Variants in XKR4 observed in about 807,000 individuals in gnomAD.
XKR4 encodes the protein XK related 4, also known as XK-related protein 4.
In XKR4, 12 loss-of-function variants were observed where a neutral mutation model predicts 53.9. The ratio of observed to expected loss-of-function variants is 0.22; its 90% CI spans 0.14 to 0.36. The LOEUF (loss-of-function observed/expected upper bound fraction) is 0.36, where lower values mean the gene tolerates loss of function less well. Among genes scored for constraint, XKR4 ranks in the 10% least tolerant of loss-of-function variants. The probability of loss-of-function intolerance (pLI) is 1.00; values close to 1 mark genes in which losing one functional copy is unlikely to be tolerated. For synonymous variants in XKR4, 354 were observed against 362.4 expected (o/e 0.98, Z 0.26); for missense variants, 799 against 859.5 (o/e 0.93, Z 0.88).
At chr8:55,258,491 C>T (rs534488348) in intron 1 of XKR4, among the ~76,000 whole-genome samples, 84 of 152,266 alleles carry the variant, frequency 5.5e-4, no homozygotes, top group African/African-American at 1.9e-3. Context: ...CCTATAATCC[C>T]TGGAGACCCT....
rs143710314 is a variant in XKR4, at chr8:55,165,058, A to G, written c.806+61764A>G. ...GAAAGGAAGTAGAATGGGCAGCCCT[A>G]GGAAGTAGGATGGGCAGGTCCCATA... On this transcript the variant is annotated intron_variant, in intron 1 of 2. Transcript: ENST00000327381. Among the ~76,000 whole-genome samples the G allele has an allele frequency of 3.5e-3, 535 of 152,310 alleles. 3 individuals are homozygous for G. The highest frequency in any genetic ancestry group is 0.012 in the African/African-American group (497 of 41,562).
chr8:55,250,198 G>C lies in XKR4; in HGVS notation c.807-107480G>C, dbSNP rs562612469. Among the ~76,000 whole-genome samples the C allele has an allele frequency of 3.3e-5, 5 of 152,254 alleles. No homozygotes were observed. In the East Asian group the frequency reaches 9.7e-4, roughly 29 times the overall value. ...GGCTTCCTAAGAAGTGAACTTCCGA[G>C]ACAGCTAAAGGATAGCTTTAAGTGA... On this transcript the variant is annotated intron_variant, in intron 1 of 2. Transcript: ENST00000327381.
At chr8:55,381,391 G>A (rs927831801) in intron 2 of XKR4, among the ~76,000 whole-genome samples, 6 of 152,180 alleles carry the variant, frequency 3.9e-5, no homozygotes, top group African/African-American at 1.4e-4. Context: ...CAATTATGGA[G>A]GCTAAAAGGT....
chr8:55,420,709 G>A (rs984574305), intron 2 of XKR4, among the ~76,000 whole-genome samples: 6 of 151,632 alleles, frequency 4.0e-5, no homozygotes, highest in East Asian at 1.9e-4. Context: ...TGGGTGCAGC[G>A]CACCAGCATG....
intron 2 of XKR4, among the ~76,000 whole-genome samples, chr8:55,378,597 T>C (rs1367423762): frequency 2.0e-5 from 3 of 152,188 alleles, no homozygotes; most frequent in Non-Finnish European, 4.4e-5. Flanking sequence ...ACATTGGTAA[T>C]ATTTAATTTC....
At chr8:55,487,944 C>G (rs566982431) in intron 2 of XKR4, among the ~76,000 whole-genome samples, 1 of 152,218 alleles carries the variant, frequency 6.6e-6, no homozygotes, top group Non-Finnish European at 1.5e-5. Context: ...CAAAAATGCA[C>G]TAATCCCTTC....
intron 1 of XKR4, among the ~76,000 whole-genome samples, chr8:55,352,707 T>C (rs1803740685): frequency 2.0e-5 from 3 of 152,250 alleles, no homozygotes; most frequent in Admixed American, 2.0e-4. Context: ...ATTGGTACTG[T>C]GATTTTCCCC....
chr8:55,368,839 A>T (rs1233330970), intron 2 of XKR4, among the ~76,000 whole-genome samples: 4 of 152,228 alleles, frequency 2.6e-5, no homozygotes, highest in Admixed American at 1.3e-4. Context: ...GGACTAGCCA[A>T]TACAGACTGC....
intron 2 of XKR4, among the ~76,000 whole-genome samples, chr8:55,364,629 G>GTT (rs1385024337): frequency 2.7e-5 from 4 of 148,068 alleles, no homozygotes; most frequent in Non-Finnish European, 5.9e-5. Context: ...GTTTTGTTTT[G>GTT]TTGGGGTTTT....
At chr8:55,310,037 G>T (rs978462423) in intron 1 of XKR4, among the ~76,000 whole-genome samples, 5 of 152,016 alleles carry the variant, frequency 3.3e-5, no homozygotes, top group Admixed American at 3.3e-4. Context: ...CAATATTTGT[G>T]TGTGCATGTG....
chr8:55,452,500 G>C, intron 2 of XKR4: 1 of 643,994 alleles, frequency 1.6e-6, no homozygotes, highest in Non-Finnish European at 2.8e-6. Flanking sequence ...AGGCCATCCA[G>C]CACACACTCC....
intron 2 of XKR4, among the ~76,000 whole-genome samples, chr8:55,459,432 A>C (rs1197496694): frequency 6.6e-6 from 1 of 152,142 alleles, no homozygotes; most frequent in East Asian, 1.9e-4. Context: ...TGGAAATTGA[A>C]CTTCATAAAA....
At chr8:55,273,686 C>G (rs1165845188) in intron 1 of XKR4, among the ~76,000 whole-genome samples, 1 of 152,156 alleles carries the variant, frequency 6.6e-6, no homozygotes, top group Non-Finnish European at 1.5e-5. Context: ...CTCCGACTCC[C>G]TATGATTTCA....
intron 1 of XKR4, among the ~76,000 whole-genome samples, chr8:55,121,222 G>A (rs1022415178): frequency 6.6e-6 from 1 of 152,150 alleles, no homozygotes; most frequent in Non-Finnish European, 1.5e-5. Flanking sequence ...AATTTATTTG[G>A]GTAGATACCA....
At chr8:55,240,528 A>G (rs1262413796) in intron 1 of XKR4, among the ~76,000 whole-genome samples, 1 of 151,172 alleles carries the variant, frequency 6.6e-6, no homozygotes, top group Admixed American at 6.6e-5. Flanking sequence ...AACATGATCA[A>G]GTGGAATGGG....
At chr8:55,415,824 A>G (rs192750777) in intron 2 of XKR4, among the ~76,000 whole-genome samples, 1 of 152,218 alleles carries the variant, frequency 6.6e-6, no homozygotes, top group Non-Finnish European at 1.5e-5. Context: ...GCTTCAATTC[A>G]TAGAGTTATA....
chr8:55,523,089 C>A (rs1467130539), intron 2 of XKR4, among the ~76,000 whole-genome samples, 192 bp from the exon 3 acceptor site: 1 of 148,358 alleles, frequency 6.7e-6, no homozygotes, highest in Non-Finnish European at 1.5e-5. Flanking sequence ...TTGCAGTGAG[C>A]AGAGATGGTG....
intron 2 of XKR4, among the ~76,000 whole-genome samples, chr8:55,443,239 A>T (rs762808904): frequency 6.6e-6 from 1 of 152,082 alleles, no homozygotes; most frequent in Non-Finnish European, 1.5e-5. Context: ...GTATTAATAA[A>T]CTGAATACTG....
intron 2 of XKR4, among the ~76,000 whole-genome samples, chr8:55,360,422 G>T (rs1803884680): frequency 6.6e-6 from 1 of 152,188 alleles, no homozygotes; most frequent in Non-Finnish European, 1.5e-5. Context: ...GAACAGAGCT[G>T]TTCCCCTTTA....
Sources: allele counts gnomAD v4.1 joint callset (sites outside exome capture counted in the v4.1 genomes callset), GRCh38; gene constraint gnomAD v4.1.1; transcripts MANE v1.5; gene names NCBI Gene and HGNC (gene_info 2026-07-23, HGNC 2026-07-21).